Variants in MARCHF1 observed in about 807,000 individuals in gnomAD.
MARCHF1 encodes E3 ubiquitin-protein ligase MARCHF1.
MARCHF1 carries 40 observed loss-of-function variants against 54.2 expected under a neutral mutation model. That is an observed-to-expected ratio of 0.74 (90% CI 0.57 to 0.96). The LOEUF is 0.96. Among genes scored for constraint, MARCHF1 ranks in the 40% least tolerant of loss-of-function variants. The probability of loss-of-function intolerance (pLI) is 0.00; values close to 1 mark genes in which losing one functional copy is unlikely to be tolerated. For synonymous variants in MARCHF1, 236 were observed against 236.3 expected (o/e 1.00, Z 0.01); for missense variants, 586 against 656.5 (o/e 0.89, Z 1.17).
In MARCHF1 at chr4:164,173,511, C is replaced by A. The variant is rs1014937829; in HGVS notation, c.-322-61849G>T. On this transcript the variant is annotated intron_variant, in intron 1 of 9. Coordinates refer to ENST00000514618, the MANE Select transcript of MARCHF1 (RefSeq NM_001394959.1). ...TTGGATGTGTTTCCCCTCCAAATCCCATGTTGAAATGTAATCTTCAGTGTT... is the reference window on the plus strand; with the variant it reads ...TTGGATGTGTTTCCCCTCCAAATCCAATGTTGAAATGTAATCTTCAGTGTT... Among the ~76,000 whole-genome samples, 12 of 152,240 alleles carry A rather than the reference C, an allele frequency of 7.9e-5. No individual in the cohort carries two copies. The South Asian group carries it at 2.3e-3, about 29-fold the overall frequency.
At chr4:163,738,697 A>G (rs1746115580) in intron 4 of MARCHF1, among the ~76,000 whole-genome samples, 1 of 152,242 alleles carries the variant, frequency 6.6e-6, no homozygotes, top group South Asian at 2.1e-4. Context: ...TGCAAAGCAG[A>G]ACAGAATTTC....
intron 4 of MARCHF1, among the ~76,000 whole-genome samples, chr4:163,813,361 A>G (rs1259201533): frequency 6.6e-6 from 1 of 152,180 alleles, no homozygotes; most frequent in African/African-American, 2.4e-5. Context: ...ATTCTGCCAA[A>G]CTATTTTATT....
intron 1 of MARCHF1, chr4:164,383,597 A>G (rs1388479028): frequency 6.6e-6 from 1 of 152,120 alleles, no homozygotes; most frequent in Non-Finnish European, 1.5e-5. Flanking sequence ...AGTAGCAACT[A>G]CCCCAGGCTG....
At chr4:163,781,890 CAT>C (rs1189738207) in intron 4 of MARCHF1, among the ~76,000 whole-genome samples, 1 of 152,164 alleles carries the variant, frequency 6.6e-6, no homozygotes, top group Non-Finnish European at 1.5e-5. Flanking sequence ...ACAAAGATAA[CAT>C]ATTAGTATTA....
chr4:163,692,288 TA>T (rs1744485788), intron 5 of MARCHF1, among the ~76,000 whole-genome samples: 1 of 152,082 alleles, frequency 6.6e-6, no homozygotes, highest in Non-Finnish European at 1.5e-5. Flanking sequence ...GTTAAACCAA[TA>T]AAAAATATAT....
intron 7 of MARCHF1, among the ~76,000 whole-genome samples, chr4:163,606,668 A>G (rs1160251358): frequency 6.6e-6 from 1 of 151,984 alleles, no homozygotes; most frequent in African/African-American, 2.4e-5. Flanking sequence ...GTAGTTGAGC[A>G]TTACTGTATT....
intron 5 of MARCHF1, among the ~76,000 whole-genome samples, chr4:163,680,926 A>T (rs1158730982): frequency 1.3e-5 from 2 of 151,634 alleles, no homozygotes; most frequent in Non-Finnish European, 2.9e-5. Flanking sequence ...GTTGCCTAGC[A>T]CTGTGTCTAA....
At chr4:163,821,627 A>T (rs1445189682) in intron 4 of MARCHF1, among the ~76,000 whole-genome samples, 2 of 151,994 alleles carry the variant, frequency 1.3e-5, no homozygotes, top group Non-Finnish European at 2.9e-5. Context: ...TGACTGCTTT[A>T]ATTAGTTTTT....
intron 1 of MARCHF1, among the ~76,000 whole-genome samples, chr4:164,287,762 T>C (rs1001270966): frequency 5.3e-5 from 8 of 152,218 alleles, no homozygotes; most frequent in African/African-American, 1.9e-4. Flanking sequence ...ACTAGTTATT[T>C]AGAATAGAAT....
intron 1 of MARCHF1, among the ~76,000 whole-genome samples, chr4:164,161,930 C>A (rs996982376): frequency 6.6e-6 from 1 of 152,110 alleles, no homozygotes; most frequent in Non-Finnish European, 1.5e-5. Context: ...AAAACCCAAT[C>A]ATTTGGAGAA....
chr4:163,942,522 A>G (rs1560829341), intron 3 of MARCHF1, among the ~76,000 whole-genome samples: 1 of 152,256 alleles, frequency 6.6e-6, no homozygotes, highest in Non-Finnish European at 1.5e-5. Context: ...ATATGGGCAC[A>G]GAGAGTCATG....
chr4:164,253,969 G>T (rs1289149015), intron 1 of MARCHF1, among the ~76,000 whole-genome samples: 9 of 152,122 alleles, frequency 5.9e-5, no homozygotes, highest in African/African-American at 1.7e-4. Context: ...TTACTATAGA[G>T]ATAGAAATCA....
At chr4:164,348,735 C>T (rs1336530497) in intron 1 of MARCHF1, among the ~76,000 whole-genome samples, 3 of 152,148 alleles carry the variant, frequency 2.0e-5, no homozygotes, top group East Asian at 1.9e-4. Context: ...ACACTATTCT[C>T]GCCTAGAAAC....
chr4:163,623,747 A>G (rs1055051753), intron 5 of MARCHF1, among the ~76,000 whole-genome samples: 2 of 152,156 alleles, frequency 1.3e-5, no homozygotes, highest in African/African-American at 4.8e-5. Flanking sequence ...TTCAAAATGT[A>G]TCCTTAAATT....
intron 5 of MARCHF1, among the ~76,000 whole-genome samples, chr4:163,664,600 A>C (rs1457929743): frequency 1.2e-4 from 18 of 152,090 alleles, no homozygotes; most frequent in Admixed American, 1.2e-3. Context: ...TTGAATCTAA[A>C]AATCATGTTT....
intron 5 of MARCHF1, among the ~76,000 whole-genome samples, chr4:163,699,766 T>C (rs1744747323): frequency 6.6e-6 from 1 of 152,162 alleles, no homozygotes; most frequent in Non-Finnish European, 1.5e-5. Context: ...TTGTTTTCCA[T>C]TTTGACAAAT....
intron 3 of MARCHF1, among the ~76,000 whole-genome samples, chr4:163,935,781 A>G (rs1025342870): frequency 6.8e-6 from 1 of 146,724 alleles, no homozygotes; most frequent in Non-Finnish European, 1.5e-5. Flanking sequence ...TTACATATGT[A>G]TACATGTGCC....
At chr4:163,809,040 C>T (rs1241241604) in intron 4 of MARCHF1, among the ~76,000 whole-genome samples, 1 of 152,132 alleles carries the variant, frequency 6.6e-6, no homozygotes, top group Non-Finnish European at 1.5e-5. Context: ...CCTCCTTTTG[C>T]CTTTCCTCAC....
chr4:164,042,673 TC>T (rs1275090899), intron 2 of MARCHF1, among the ~76,000 whole-genome samples: 2 of 152,064 alleles, frequency 1.3e-5, no homozygotes, highest in Non-Finnish European at 1.5e-5. Flanking sequence ...TTCTCAGCAG[TC>T]CCCCAGTCTT....
Sources: gnomAD v4.1 joint callset for allele counts (sites outside exome capture counted in the v4.1 genomes callset) on GRCh38, gnomAD v4.1.1 for gene constraint, MANE v1.5 for transcripts, NCBI Gene and HGNC (gene_info 2026-07-23, HGNC 2026-07-21) for gene names.